MANSC1: variants seen among roughly 807,000 people sequenced by gnomAD.
The protein encoded by MANSC1 is MANSC domain containing 1.
Under a neutral mutation model 14.1 loss-of-function variants are expected in MANSC1, and 13 were observed. The ratio of observed to expected loss-of-function variants is 0.92; its 90% CI spans 0.60 to 1.46. The LOEUF (loss-of-function observed/expected upper bound fraction) is 1.46, where lower values mean the gene tolerates loss of function less well. Ranked by LOEUF, MANSC1 falls within the 40% of genes most tolerant of loss-of-function variation. The probability of loss-of-function intolerance (pLI) is 0.00; values close to 1 mark genes in which losing one functional copy is unlikely to be tolerated. For missense variants in MANSC1, 486 were observed against 511.4 expected (o/e 0.95, Z 0.48); for synonymous variants, 227 against 200.7 (o/e 1.13, Z -1.11).
At chr12:12,349,540 G>A (rs557449720) in intron 1 of MANSC1, among the ~76,000 whole-genome samples, 7 of 152,130 alleles carry the variant, frequency 4.6e-5, no homozygotes, top group Non-Finnish European at 8.8e-5. Flanking sequence ...GTTGAAAGAC[G>A]GGGTAAAAGG....
At chr12:12,348,474 T>C (rs1863035839) in intron 1 of MANSC1, among the ~76,000 whole-genome samples, 1 of 152,134 alleles carries the variant, frequency 6.6e-6, no homozygotes, top group Non-Finnish European at 1.5e-5. Context: ...AATCTAACTG[T>C]ATGACGTTCT....
At position 12,338,500 on chromosome 12, in the gene MANSC1, C is replaced by G. The variant is rs777477512; in HGVS notation, c.284G>C (p.Cys95Ser). ...CTCGTTGGGACAGAAAAATAGGTAG[C>G]AGTTGGGTTGTCTAGCTGTTTTTCG... Reference protein sequence around the residue: ...DTRKTARQPNCYLFFCPNEEA... With the variant: ...DTRKTARQPNSYLFFCPNEEA... The change falls in exon 3 of 4, where the codon TGC becomes TCC. Residue 95 changes from cysteine (C) to serine (S), a missense_variant. Coordinates refer to ENST00000535902, the MANE Select transcript of MANSC1 (RefSeq NM_018050.4). 6.2e-7 allele frequency: 1 copy of G among 1,613,442 alleles called. No individual in the cohort carries two copies. The highest frequency in any genetic ancestry group is 2.2e-5 in the East Asian group (1 of 44,852).
At position 12,343,325 on chromosome 12, in the gene MANSC1, A is replaced by T; in HGVS notation, c.-11T>A. ...TCCCCCGAAGAACATTTTAAATTTC[A>T]GTTTAGTTTTGGTCTTCAAAGGTCA... On this transcript the variant is annotated 5_prime_UTR_variant, in exon 2 of 4. Transcript: ENST00000535902. 6.2e-7 allele frequency: 1 copy of T among 1,608,008 alleles called. No individual in the cohort carries two copies. The highest frequency in any genetic ancestry group is 2.2e-5 in the East Asian group (1 of 44,852).
At chr12:12,336,566 A>C (rs781471855) in intron 3 of MANSC1, among the ~76,000 whole-genome samples, 1 of 151,916 alleles carries the variant, frequency 6.6e-6, no homozygotes, top group Non-Finnish European at 1.5e-5. Flanking sequence ...TCACTTTGTC[A>C]CCCAGGCTAG....
At chr12:12,341,827 T>C (rs73277486) in intron 2 of MANSC1, among the ~76,000 whole-genome samples, 16,440 of 152,174 alleles carry the variant, frequency 0.11, 896 homozygotes, top group Non-Finnish European at 0.12. Flanking sequence ...CACGTCTCTA[T>C]TGAAAATAGT....
intron 3 of MANSC1, among the ~76,000 whole-genome samples, chr12:12,331,393 G>A (rs990619882): frequency 6.6e-6 from 1 of 152,198 alleles, no homozygotes; most frequent in African/African-American, 2.4e-5. Flanking sequence ...CAGAGAAGCC[G>A]GAGGGGCTCA....
chr12:12,335,102 G>C (rs1862840477), intron 3 of MANSC1, among the ~76,000 whole-genome samples: 1 of 152,092 alleles, frequency 6.6e-6, no homozygotes, highest in South Asian at 2.1e-4. Flanking sequence ...CAAAAACTAG[G>C]ACTTGGCCTT....
At chr12:12,346,685 A>G (rs1454644459) in intron 1 of MANSC1, among the ~76,000 whole-genome samples, 1 of 152,210 alleles carries the variant, frequency 6.6e-6, no homozygotes, top group Non-Finnish European at 1.5e-5. Context: ...AAATAAATAA[A>G]TCTAGCCACA....
chr12:12,344,947 A>ATC (rs1420665214), intron 1 of MANSC1, among the ~76,000 whole-genome samples: 1 of 93,892 alleles, frequency 1.1e-5, no homozygotes, highest in Non-Finnish European at 2.1e-5. Context: ...ATATATATAT[A>ATC]TATATATATA....
intron 2 of MANSC1, among the ~76,000 whole-genome samples, chr12:12,341,615 T>C (rs1380077446): frequency 2.6e-5 from 4 of 152,320 alleles, no homozygotes; most frequent in African/African-American, 9.6e-5. Flanking sequence ...TGCCAGGAAC[T>C]GGAGACAAAG....
chr12:12,347,647 G>T (rs1863025829), intron 1 of MANSC1, among the ~76,000 whole-genome samples: 1 of 152,178 alleles, frequency 6.6e-6, no homozygotes, highest in Non-Finnish European at 1.5e-5. Flanking sequence ...CATATGAAAA[G>T]GTATCTAACA....
In MANSC1 at chr12:12,329,624, G is replaced by C. The variant is rs1331703556; in HGVS notation, c.*403C>G. 1 of 155,972 alleles carries C rather than the reference G, an allele frequency of 6.4e-6. No individual in the cohort carries two copies. The highest frequency in any genetic ancestry group is 1.4e-5 in the Non-Finnish European group (1 of 70,758). 9.7% of individuals were successfully genotyped at this position (155,972 alleles called of 1,614,324 possible). On this transcript the variant is annotated 3_prime_UTR_variant, in exon 4 of 4. Transcript: ENST00000535902. ...AAGGGGGCCAGCTGTGGTGGCTCAT[G>C]CCTGTAATCCCAGCACTTTGGGAGG...
Sources: allele counts gnomAD v4.1 joint callset (sites outside exome capture counted in the v4.1 genomes callset), GRCh38; gene constraint gnomAD v4.1.1; transcripts MANE v1.5; gene names NCBI Gene and HGNC (gene_info 2026-07-23, HGNC 2026-07-21).